The following ZNF18 variants were observed in gnomAD, a reference collection of about 807,000 sequenced individuals.
ZNF18 encodes heart development-specific gene 1 protein.
Under a neutral mutation model 58.1 loss-of-function variants are expected in ZNF18, and 42 were observed. That is an observed-to-expected ratio of 0.72 (90% CI 0.56 to 0.93). The LOEUF (loss-of-function observed/expected upper bound fraction) is 0.93. Among genes scored for constraint, ZNF18 ranks in the 40% least tolerant of loss-of-function variants. The pLI, the probability that ZNF18 is intolerant of heterozygous loss-of-function variation, is 0.00. For missense variants in ZNF18, 540 were observed against 644.2 expected, an observed-to-expected ratio of 0.84 and a Z score of 1.75; for synonymous variants, 231 against 239.8, an observed-to-expected ratio of 0.96 and a Z score of 0.34.
the ZNF18 span, among the ~76,000 whole-genome samples, chr17:12,015,222 C>A: frequency 6.6e-6 from 1 of 152,184 alleles, no homozygotes. Context: ...ATGCCCTCCC[C>A]CAACTAATTA....
chr17:12,002,014 G>GA (rs1003250721), upstream of ZNF18, among the ~76,000 whole-genome samples: 3 of 151,886 alleles, frequency 2.0e-5, no homozygotes, highest in Admixed American at 2.0e-4. Context: ...AACCTTGTGG[G>GA]AAAAAAAGAA....
chr17:12,011,223 AT>A, the ZNF18 span: 1 of 498,364 alleles, frequency 2.0e-6, no homozygotes, highest in South Asian at 2.5e-5. Context: ...TGTGTTCATC[AT>A]TTTGGTGAAT....
the ZNF18 span, chr17:12,021,147 C>A: frequency 2.3e-6 from 1 of 437,376 alleles, no homozygotes; most frequent in Non-Finnish European, 3.6e-6. Context: ...CGGCTTCCCG[C>A]CCCGCTCCCG....
intron 5 of ZNF18, 141 bp downstream of exon 5, chr17:11,983,972 C>A: frequency 1.6e-6 from 1 of 641,760 alleles, no homozygotes; most frequent in East Asian, 2.9e-5. Context: ...TCCAACTTGC[C>A]CCAGTTCCCA....
At chr17:11,984,436 G>A (rs1597957503) in intron 4 of ZNF18, among the ~76,000 whole-genome samples, 1 of 151,870 alleles carries the variant, frequency 6.6e-6, no homozygotes, top group African/African-American at 2.4e-5. Flanking sequence ...TTTACATTCT[G>A]CACCTCTTCA....
At chr17:11,984,015 AT>A in intron 5 of ZNF18, 97 bp downstream of exon 5, 4 of 1,133,276 alleles carry the variant, frequency 3.5e-6, no homozygotes, top group Non-Finnish European at 3.7e-6. Context: ...TCACCTGGCG[AT>A]TTTCAGTTCA....
chr17:11,997,883 C>T (rs1158612168), upstream of ZNF18, among the ~76,000 whole-genome samples: 3 of 152,204 alleles, frequency 2.0e-5, no homozygotes, highest in East Asian at 5.8e-4. Flanking sequence ...CCTTTCCGTT[C>T]TTGCCTCACT....
At position 11,992,775 on chromosome 17, in the gene ZNF18, C is replaced by G. The variant is rs1377448549; in HGVS notation, c.55G>C (p.Glu19Gln). 1 of 1,614,002 alleles carries G rather than the reference C, an allele frequency of 6.2e-7. No individual in the cohort carries two copies. The highest frequency in any genetic ancestry group is 1.7e-5 in the Admixed American group (1 of 60,010). Residue 19 changes from glutamate (E) to glutamine (Q), a missense_variant, in exon 2 of 7, where the codon GAG (glutamate) becomes CAG (glutamine). Physicochemically the swap from Glu to Gln is conservative, Grantham distance 29 (BLOSUM62 2). Coordinates refer to ENST00000580306, the MANE Select transcript of ZNF18 (RefSeq NM_001303281.2). ...LGLLPSLAKA[E>Q]DSQFSESDAA... ...TCTGATTCTGAGAACTGGGAGTCCT[C>G]GGCCTTCGCCAGCGATGGCAGCAGG...
At chr17:12,007,983 C>T in the ZNF18 span, among the ~76,000 whole-genome samples, 6 of 152,122 alleles carry the variant, frequency 3.9e-5, no homozygotes, top group Middle Eastern at 3.4e-3. Flanking sequence ...GCTCAGAGAA[C>T]GGAAAGAAAA....
upstream of ZNF18, among the ~76,000 whole-genome samples, chr17:11,997,786 T>C (rs1462648284): frequency 2.0e-5 from 3 of 152,226 alleles, no homozygotes; most frequent in African/African-American, 7.2e-5. Context: ...GATCATTTCT[T>C]TGTCTCTCCC....
chr17:11,984,517 GT>G (rs36063923), intron 4 of ZNF18, among the ~76,000 whole-genome samples: 66,861 of 143,736 alleles, frequency 0.47, 15,314 homozygotes, highest in Middle Eastern at 0.57. Flanking sequence ...TTTTATTTGG[GT>G]TTTTTTTTTT....
the ZNF18 span, among the ~76,000 whole-genome samples, chr17:12,015,241 C>T: frequency 6.6e-6 from 1 of 152,154 alleles, no homozygotes; most frequent in African/African-American, 2.4e-5. Context: ...TATTAAATTC[C>T]ACAATCTTGA....
intron 4 of ZNF18, among the ~76,000 whole-genome samples, chr17:11,987,072 G>A (rs1279651025): frequency 6.6e-6 from 1 of 152,204 alleles, no homozygotes; most frequent in African/African-American, 2.4e-5. Context: ...ATTTAGAAGA[G>A]ACGGAAAAAC....
the ZNF18 span, chr17:12,002,476 A>G: frequency 6.6e-6 from 1 of 152,198 alleles, no homozygotes; most frequent in Non-Finnish European, 1.5e-5. Context: ...CATTGATGAG[A>G]GTCAGACATG....
chr17:11,983,348 C>A lies in ZNF18; in HGVS notation c.811G>T (p.Ala271Ser). Residue 271 changes from alanine (A) to serine (S), a missense_variant, in exon 6 of 7, where the codon GCA (alanine) becomes TCA (serine). Physicochemically the swap from Ala to Ser is moderately conservative, Grantham distance 99. Coordinates refer to ENST00000580306, the MANE Select transcript of ZNF18 (RefSeq NM_001303281.2). ...TCATTGACATGAAGGTATATTCCTG[C>A]CAGCTCTTCCCCAAATTCTATTGAA... ...TNSIEFGEEL[A>S]GIYLHVNEKI... is the part of the protein sequence containing the mutation. 2 of 1,614,036 alleles carry A rather than the reference C, an allele frequency of 1.2e-6. No individual in the cohort carries two copies. Among genetic ancestry groups the A allele is most frequent in the Non-Finnish European group, 1.7e-6 (2 of 1,179,964 alleles).
At chr17:11,991,277 A>G in intron 2 of ZNF18, 114 bp from the exon 3 acceptor site, 1 of 1,028,698 alleles carries the variant, frequency 9.7e-7, no homozygotes, top group Non-Finnish European at 1.4e-6. Flanking sequence ...GGATGTGGAG[A>G]AAGAGAAAAC....
At chr17:12,011,545 C>T in the ZNF18 span, among the ~76,000 whole-genome samples, 1 of 151,838 alleles carries the variant, frequency 6.6e-6, no homozygotes, top group African/African-American at 2.4e-5. Flanking sequence ...GCCACCACAC[C>T]CAGGTAATTT....
chr17:11,992,988 C>T, intron 1 of ZNF18, 77 bp from the exon 2 acceptor site: 1 of 819,146 alleles, frequency 1.2e-6, no homozygotes, highest in South Asian at 1.9e-5. Context: ...ACATGCCCTA[C>T]CCGAGAAGCC....
At chr17:12,002,436 C>A (rs1968675762), upstream of ZNF18, 6 of 152,122 alleles carry the variant, frequency 3.9e-5, no homozygotes, top group South Asian at 1.2e-3. Flanking sequence ...AAGATATTAA[C>A]TTTTTTAATT....
Sources: allele counts gnomAD v4.1 joint callset (sites outside exome capture counted in the v4.1 genomes callset), GRCh38; gene constraint gnomAD v4.1.1; transcripts MANE v1.5; gene names NCBI Gene and HGNC (gene_info 2026-07-23, HGNC 2026-07-21).